RAPGEF1: variants seen among roughly 807,000 people sequenced by gnomAD.
The protein encoded by RAPGEF1 is Rap guanine nucleotide exchange factor 1.
A neutral mutation model predicts 143.3 loss-of-function variants in RAPGEF1; 33 were observed. The ratio of observed to expected loss-of-function variants is 0.23; its 90% confidence interval spans 0.17 to 0.31. The LOEUF (loss-of-function observed/expected upper bound fraction) is 0.31. Among genes scored for constraint, RAPGEF1 ranks in the 10% least tolerant of loss-of-function variants. The pLI is 1.00. For missense variants in RAPGEF1, 1,199 were observed against 1,645.4 expected (o/e 0.73, Z 4.69); for synonymous variants, 629 against 676.5 (o/e 0.93, Z 1.09).
intron 1 of RAPGEF1, among the ~76,000 whole-genome samples, chr9:131,723,081 C>T (rs143937718): frequency 6.6e-6 from 1 of 152,080 alleles, no homozygotes; most frequent in Non-Finnish European, 1.5e-5. Context: ...GTAGCCCCAG[C>T]TACTCAGGAT....
chr9:131,620,793 A>G (rs1016929560), intron 11 of RAPGEF1, among the ~76,000 whole-genome samples: 3 of 152,196 alleles, frequency 2.0e-5, no homozygotes, highest in African/African-American at 7.2e-5. Context: ...GATTATACGG[A>G]GTAATCCAGG....
At chr9:131,643,108 G>C (rs1968536675) in intron 4 of RAPGEF1, 131 bp downstream of exon 4, 4 of 1,032,396 alleles carry the variant, frequency 3.9e-6, no homozygotes, top group Non-Finnish European at 5.5e-6. Flanking sequence ...AGTGGTCAGG[G>C]GAAGGATGAG....
At chr9:131,664,150 A>G (rs1442569710) in intron 1 of RAPGEF1, among the ~76,000 whole-genome samples, 1 of 152,224 alleles carries the variant, frequency 6.6e-6, no homozygotes, top group Non-Finnish European at 1.5e-5. Context: ...AGTGTTACTG[A>G]GGAGTCTCCA....
At chr9:131,611,718 T>C (rs1958039606) in intron 12 of RAPGEF1, among the ~76,000 whole-genome samples, 1 of 152,244 alleles carries the variant, frequency 6.6e-6, no homozygotes, top group African/African-American at 2.4e-5. Context: ...TTTATACTTA[T>C]TCTTAGAACT....
intron 3 of RAPGEF1, among the ~76,000 whole-genome samples, chr9:131,646,495 G>A (rs924183664): frequency 5.3e-5 from 8 of 152,116 alleles, no homozygotes; most frequent in Non-Finnish European, 7.3e-5. Flanking sequence ...CATTTCTGAC[G>A]CCCAGGCTGT....
chr9:131,667,421 G>A lies in RAPGEF1; in HGVS notation c.62-16472C>T, dbSNP rs1386430123. 5.9e-5 allele frequency among the ~76,000 whole-genome samples: 9 copies of A among 152,192 alleles called. No individual in the cohort carries two copies. Among genetic ancestry groups the A allele is most frequent in the Admixed American group, 5.2e-4 (8 of 15,282 alleles). On this transcript the variant is annotated intron_variant, in intron 1 of 26. Coordinates refer to ENST00000683357, the MANE Select transcript of RAPGEF1 (RefSeq NM_001377935.1). This position sits in a 1 kb window ranked among gnomAD's most constrained non-coding sequence, Gnocchi z 4.6. ...GCCCTCCCACACCCTCTTCCTACAC[G>A]GAGGTACTGCCCATTTCCTCCTCCA...
Position 131,632,295 on chromosome 9 carries a change from ATTT to A in RAPGEF1, c.652-1974_652-1972del, listed in dbSNP as rs55684326. On this transcript the variant is annotated intron_variant, in intron 5 of 26. Coordinates refer to ENST00000683357, the MANE Select transcript of RAPGEF1 (RefSeq NM_001377935.1). ...AGGCACCTGCCACTGCACCCGGCTAATTTTTTTTTTTTTTTTTGTATTTTTAGT... is the reference window on the plus strand; with the variant it reads ...AGGCACCTGCCACTGCACCCGGCTAATTTTTTTTTTTTTTGTATTTTTAGT... 2.2e-5 allele frequency among the ~76,000 whole-genome samples: 3 copies of A among 136,102 alleles called. No homozygotes were observed. In the Admixed American group the frequency reaches 2.2e-4, roughly 10 times the overall value. 89.3% of individuals were successfully genotyped at this position (136,102 alleles called of 152,430 possible).
intron 1 of RAPGEF1, among the ~76,000 whole-genome samples, chr9:131,679,167 G>GT: frequency 8.1e-6 from 1 of 123,104 alleles, no homozygotes; most frequent in Non-Finnish European, 1.8e-5. Context: ...TATGTGACAA[G>GT]GGGGGGGCCA....
At chr9:131,723,869 T>G (rs1023556326) in intron 1 of RAPGEF1, among the ~76,000 whole-genome samples, 2 of 152,220 alleles carry the variant, frequency 1.3e-5, no homozygotes, top group Non-Finnish European at 2.9e-5. Context: ...TTTTCCACAG[T>G]GGCTGCACCA....
At chr9:131,718,541 C>T (rs1476387393) in intron 1 of RAPGEF1, among the ~76,000 whole-genome samples, 1 of 152,110 alleles carries the variant, frequency 6.6e-6, no homozygotes, top group African/African-American at 2.4e-5. Flanking sequence ...CTAAGAAGGA[C>T]CAGTCAGGAT....
chr9:131,626,114 T>G lies in RAPGEF1; in HGVS notation c.1510A>C (p.Asn504His), dbSNP rs1252466800. ...CTCTGCAGGTCCTCCCCAGAGATGT[T>G]GTCATACTGCGAGGGATGCCGCTCG... ...SYERHPSQYD[N>H]ISGEDLQSTA... The change falls in exon 10 of 27, where the codon AAC (asparagine) becomes CAC (histidine). Residue 504 changes from asparagine to histidine, a missense_variant. This residue lies in a region of RAPGEF1 where 613 missense variants were observed against 710.9 expected (regional missense o/e 0.86). Coordinates refer to ENST00000683357, the MANE Select transcript of RAPGEF1 (RefSeq NM_001377935.1). 8 of 1,613,660 alleles carry G rather than the reference T, an allele frequency of 5.0e-6. No homozygotes were observed. In the South Asian group the frequency reaches 7.7e-5, roughly 16 times the overall value.
Position 131,592,082 on chromosome 9 carries a change from CA to C in RAPGEF1, c.2774+16del. 1 of 1,587,552 alleles carries C rather than the reference CA, an allele frequency of 6.3e-7. No individual in the cohort carries two copies. Among genetic ancestry groups the C allele is most frequent in the Non-Finnish European group, 8.6e-7 (1 of 1,156,256 alleles). ...TGCCCATGGTGCAGGGGCCCTGGGT[CA>C]GGAAGGAAAGGATATCTGTACTGCA... is the stretch of plus-strand genomic sequence containing the variant. On this transcript the variant is annotated intron_variant, in intron 18 of 26. Coordinates refer to ENST00000683357, the MANE Select transcript of RAPGEF1 (RefSeq NM_001377935.1).
intron 3 of RAPGEF1, among the ~76,000 whole-genome samples, chr9:131,645,290 A>C (rs1259627200): frequency 6.6e-6 from 1 of 152,210 alleles, no homozygotes; most frequent in African/African-American, 2.4e-5. Context: ...CCACCTTAGC[A>C]CATCAGAAAG....
chr9:131,653,263 C>G (rs886537841), intron 1 of RAPGEF1, among the ~76,000 whole-genome samples: 8 of 152,200 alleles, frequency 5.3e-5, no homozygotes, highest in Non-Finnish European at 1.0e-4. Flanking sequence ...ATACCAAATA[C>G]AATGTAAATG....
chr9:131,732,679 A>G (rs1429360914), intron 1 of RAPGEF1, among the ~76,000 whole-genome samples: 1 of 142,668 alleles, frequency 7.0e-6, no homozygotes, highest in Non-Finnish European at 1.6e-5. Context: ...TGTACCAAGA[A>G]ACATCCTAAT....
At chr9:131,601,645 C>G (rs979693816) in intron 15 of RAPGEF1, among the ~76,000 whole-genome samples, 28 of 152,156 alleles carry the variant, frequency 1.8e-4, no homozygotes, top group African/African-American at 6.5e-4. Flanking sequence ...GTGGCTCATG[C>G]CTGTAAGCCC....
intron 1 of RAPGEF1, among the ~76,000 whole-genome samples, chr9:131,716,804 C>A (rs1368679348): frequency 6.6e-6 from 1 of 152,116 alleles, no homozygotes; most frequent in Non-Finnish European, 1.5e-5. Flanking sequence ...CCCCTCGATG[C>A]TTCCTGTAAT....
At chr9:131,666,229 A>G (rs1830406937) in intron 1 of RAPGEF1, among the ~76,000 whole-genome samples, 1 of 152,218 alleles carries the variant, frequency 6.6e-6, no homozygotes, top group Non-Finnish European at 1.5e-5. Flanking sequence ...GGGACGCTTC[A>G]GCCTGGGTTA....
intron 12 of RAPGEF1, among the ~76,000 whole-genome samples, chr9:131,615,310 G>A (rs914780261): frequency 2.0e-5 from 3 of 152,184 alleles, no homozygotes; most frequent in Non-Finnish European, 2.9e-5. Flanking sequence ...TCCTGACCTC[G>A]TGATCCGCCC....
Sources: gnomAD v4.1 joint callset for allele counts (sites outside exome capture counted in the v4.1 genomes callset) on GRCh38, gnomAD v4.1.1 for gene constraint, gnomAD v4.1.1 regional missense constraint, Gnocchi (gnomAD v3.1) non-coding constraint, MANE v1.5 for transcripts, NCBI Gene and HGNC (gene_info 2026-07-23, HGNC 2026-07-21) for gene names.